The following CDH18 variants were observed in gnomAD, a reference collection of about 807,000 sequenced individuals.
CDH18 encodes cadherin 18.
Under a neutral mutation model 67.9 loss-of-function variants are expected in CDH18, and 31 were observed. The observed-to-expected ratio is 0.46, with a 90% CI of 0.34 to 0.62. The LOEUF (loss-of-function observed/expected upper bound fraction) is 0.62, where lower values mean the gene tolerates loss of function less well. Ranked by LOEUF, CDH18 falls within the 20% of genes least tolerant of loss-of-function variation. The pLI is 0.01. For missense variants in CDH18, 890 were observed against 975.5 expected (o/e 0.91, Z 1.17); for synonymous variants, 362 against 347.2 (o/e 1.04, Z -0.48).
Position 19,721,381 on chromosome 5 carries a change from T to C in CDH18, c.609A>G (p.Gln203=), listed in dbSNP as rs12187552. 1,597,285 of 1,607,716 alleles carry C rather than the reference T, an allele frequency of 0.99. 794,001 individuals carry two copies. Among genetic ancestry groups the C allele is most frequent in the East Asian group, 1 (44,842 of 44,842 alleles). Residue 203 remains glutamine (Q), a synonymous_variant, in exon 5 of 13, where the codon CAA becomes CAG. Coordinates refer to ENST00000382275, the MANE Select transcript of CDH18 (RefSeq NM_004934.5). ...NSARVVYSIL[Q]GQPYFSVDPK... The stretch of plus-strand genomic sequence containing the variant: ...GGTCGACGGAGAAGTAGGGTTGTCC[T>C]TGGAGAATGCTGTAAACCACCCGAG...
At chr5:19,586,437 T>G (rs1220951656) in intron 7 of CDH18, among the ~76,000 whole-genome samples, 2 of 152,138 alleles carry the variant, frequency 1.3e-5, no homozygotes, top group Non-Finnish European at 2.9e-5. Context: ...TAGCTCCCAC[T>G]TATAAGTCAG....
intron 2 of CDH18, among the ~76,000 whole-genome samples, chr5:20,000,735 G>A (rs958249259): frequency 5.9e-5 from 9 of 152,052 alleles, no homozygotes; most frequent in African/African-American, 2.2e-4. Context: ...AAAGTTTCTA[G>A]GGGATCAGTG....
intron 4 of CDH18, among the ~76,000 whole-genome samples, chr5:19,734,218 A>G (rs1489104475): frequency 6.6e-6 from 1 of 152,212 alleles, no homozygotes; most frequent in Non-Finnish European, 1.5e-5. Flanking sequence ...ATAGCACATT[A>G]TCATTTAAAA....
At chr5:20,314,048 G>T (rs1355749922) in intron 1 of CDH18, among the ~76,000 whole-genome samples, 4 of 151,964 alleles carry the variant, frequency 2.6e-5, no homozygotes, top group African/African-American at 4.8e-5. Context: ...GATAGAATAT[G>T]CAAATCCTCT....
intron 1 of CDH18, among the ~76,000 whole-genome samples, chr5:20,368,609 T>C (rs1194390108): frequency 6.6e-6 from 1 of 152,190 alleles, no homozygotes; most frequent in Non-Finnish European, 1.5e-5. Flanking sequence ...AAAAGTACCC[T>C]TTTTATACCA....
At chr5:19,657,423 A>T (rs1756551634) in intron 5 of CDH18, among the ~76,000 whole-genome samples, 1 of 152,118 alleles carries the variant, frequency 6.6e-6, no homozygotes, top group South Asian at 2.1e-4. Context: ...ACGACTTCAA[A>T]TGTCTCAATA....
intron 2 of CDH18, among the ~76,000 whole-genome samples, chr5:19,924,449 C>G (rs1198513756): frequency 1.3e-5 from 2 of 152,002 alleles, no homozygotes; most frequent in Non-Finnish European, 2.9e-5. Context: ...TCAGCCTGGT[C>G]AACGTGGCAA....
At chr5:19,692,020 T>C (rs75850029) in intron 5 of CDH18, among the ~76,000 whole-genome samples, 1 of 152,092 alleles carries the variant, frequency 6.6e-6, no homozygotes, top group East Asian at 1.9e-4. Flanking sequence ...AAGGTATTGG[T>C]ATAAAAACAG....
chr5:19,573,110 A>T (rs1276794116), intron 7 of CDH18, among the ~76,000 whole-genome samples: 6 of 152,314 alleles, frequency 3.9e-5, no homozygotes, highest in African/African-American at 1.4e-4. Flanking sequence ...AAAAAATTCA[A>T]ATTATCAGAA....
chr5:19,703,920 T>A (rs1194410700), intron 5 of CDH18, among the ~76,000 whole-genome samples: 1 of 152,172 alleles, frequency 6.6e-6, no homozygotes, highest in African/African-American at 2.4e-5. Context: ...TCTAGGTAGA[T>A]CTAGTTTAAA....
intron 11 of CDH18, among the ~76,000 whole-genome samples, chr5:19,491,043 A>G (rs1038574987): frequency 2.0e-5 from 3 of 152,178 alleles, no homozygotes; most frequent in Admixed American, 2.0e-4. Context: ...AAGATTGTAT[A>G]CATGCTCTTT....
rs141076435 is a variant in CDH18, at chr5:19,507,141, G to C, written c.1513-4032C>G. 9.7e-3 allele frequency among the ~76,000 whole-genome samples: 1,482 copies of C among 152,190 alleles called. 15 individuals carry two copies. The highest frequency in any genetic ancestry group is 0.031 in the South Asian group (149 of 4,824). On this transcript the variant is annotated intron_variant, in intron 10 of 12. Coordinates refer to ENST00000382275, the MANE Select transcript of CDH18 (RefSeq NM_004934.5). ...AAAGAAGACATTTATGCAGCCAAAA[G>C]ACACATGAAAAAATGCTTATCATCA...
intron 2 of CDH18, among the ~76,000 whole-genome samples, chr5:20,222,218 G>A (rs1048189150): frequency 6.6e-6 from 1 of 152,128 alleles, no homozygotes; most frequent in Non-Finnish European, 1.5e-5. Flanking sequence ...GATAGATGCA[G>A]AGCCAACAGA....
At chr5:20,370,666 T>A (rs1295189919) in intron 1 of CDH18, among the ~76,000 whole-genome samples, 3 of 152,172 alleles carry the variant, frequency 2.0e-5, no homozygotes, top group Non-Finnish European at 4.4e-5. Context: ...ACTTAGATAT[T>A]TATTTTCTAA....
intron 5 of CDH18, among the ~76,000 whole-genome samples, chr5:19,652,049 T>C (rs2150271638): frequency 6.6e-6 from 1 of 152,186 alleles, no homozygotes; most frequent in East Asian, 1.9e-4. Context: ...ACTACTAACA[T>C]TTTATGTAAT....
chr5:20,465,837 A>G (rs1179258187), intron 1 of CDH18, among the ~76,000 whole-genome samples: 1 of 152,070 alleles, frequency 6.6e-6, no homozygotes, highest in Non-Finnish European at 1.5e-5. Flanking sequence ...AGTCATCGCA[A>G]CGCTCTGTAA....
intron 8 of CDH18, among the ~76,000 whole-genome samples, chr5:19,567,828 GC>G (rs1161957536): frequency 2.0e-5 from 3 of 152,068 alleles, no homozygotes; most frequent in African/African-American, 7.2e-5. Context: ...AATCATCTTT[GC>G]ATCCCAACAA....
intron 2 of CDH18, among the ~76,000 whole-genome samples, chr5:19,924,820 G>A (rs1383902572): frequency 2.6e-5 from 4 of 152,122 alleles, no homozygotes; most frequent in African/African-American, 9.7e-5. Flanking sequence ...AGCCCAGGAA[G>A]CATCCACAGC....
At chr5:19,982,902 G>C (rs1489695634) in intron 1 of CDH18, among the ~76,000 whole-genome samples, 1 of 151,788 alleles carries the variant, frequency 6.6e-6, no homozygotes, top group Non-Finnish European at 1.5e-5. Flanking sequence ...AAATTAGCCG[G>C]GCTTGGTGGC....
Sources: allele counts gnomAD v4.1 joint callset (sites outside exome capture counted in the v4.1 genomes callset), GRCh38; gene constraint gnomAD v4.1.1; transcripts MANE v1.5; gene names NCBI Gene and HGNC (gene_info 2026-07-23, HGNC 2026-07-21).